Variants in TIAM1 observed in about 807,000 individuals in gnomAD.
TIAM1 encodes TIAM Rac1 associated GEF 1, also known as rho guanine nucleotide exchange factor TIAM1.
In TIAM1, 65 loss-of-function variants were observed where a neutral mutation model predicts 163.5. The observed-to-expected ratio is 0.40, with a 90% CI of 0.33 to 0.49. TIAM1 has a LOEUF of 0.49. Among genes scored for constraint, TIAM1 ranks in the 20% least tolerant of loss-of-function variants. TIAM1 has a pLI of 0.77. For missense variants in TIAM1, 1,789 were observed against 2,044.7 expected (o/e 0.87, Z 2.41); for synonymous variants, 833 against 810.1 (o/e 1.03, Z -0.48).
intron 1 of TIAM1, among the ~76,000 whole-genome samples, chr21:31,341,231 G>A (rs1167277805): frequency 1.3e-5 from 2 of 152,190 alleles, no homozygotes; most frequent in Non-Finnish European, 2.9e-5. Flanking sequence ...TGAATTCACA[G>A]TGCAATTTCA....
rs548525642 is a variant in TIAM1, at chr21:31,180,856, C to T, written c.2887+1565G>A. 9.2e-5 allele frequency among the ~76,000 whole-genome samples: 14 copies of T among 152,328 alleles called. No individual in the cohort carries two copies. In the South Asian group the frequency reaches 2.9e-3, roughly 32 times the overall value. ...TGGGGACCACAATAACATAATGAGT[C>T]AAGGAAGTCAACTGTAACTGAGAGC... On this transcript the variant is annotated intron_variant, in intron 15 of 27. Coordinates refer to ENST00000541036, the MANE Select transcript of TIAM1 (RefSeq NM_001353694.2).
chr21:31,425,532 C>G (rs935214841), intron 2 of TIAM1, among the ~76,000 whole-genome samples: 1 of 151,206 alleles, frequency 6.6e-6, no homozygotes, highest in African/African-American at 2.4e-5. Context: ...TTTAGTTGGT[C>G]TGCAATTACG....
intron 1 of TIAM1, among the ~76,000 whole-genome samples, chr21:31,491,485 G>A (rs532883167): frequency 6.6e-6 from 1 of 152,304 alleles, no homozygotes; most frequent in Admixed American, 6.5e-5. Context: ...AGAGAAGAAC[G>A]GAGAGGACAG....
chr21:31,542,261 T>C (rs777556815), intron 1 of TIAM1, among the ~76,000 whole-genome samples: 1 of 151,568 alleles, frequency 6.6e-6, no homozygotes, highest in Non-Finnish European at 1.5e-5. Flanking sequence ...CCGTCTCTAC[T>C]AAAAATAAAA....
intron 13 of TIAM1, among the ~76,000 whole-genome samples, chr21:31,190,331 GAGTCT>G (rs1206158021): frequency 2.0e-5 from 3 of 152,038 alleles, no homozygotes; most frequent in Non-Finnish European, 4.4e-5. Context: ...AGGATGGCTT[GAGTCT>G]AGGAGGTTGA....
At chr21:31,478,138 G>C (rs2045994562) in intron 1 of TIAM1, among the ~76,000 whole-genome samples, 1 of 152,220 alleles carries the variant, frequency 6.6e-6, no homozygotes, top group African/African-American at 2.4e-5. Flanking sequence ...GGTGTGAACA[G>C]CTATGCAATT....
At chr21:31,404,716 C>T (rs2077219516) in intron 2 of TIAM1, among the ~76,000 whole-genome samples, 1 of 152,064 alleles carries the variant, frequency 6.6e-6, no homozygotes, top group African/African-American at 2.4e-5. Flanking sequence ...TTTCAATTTC[C>T]TGGTTTTGAT....
At position 31,130,325 on chromosome 21, in the gene TIAM1, A is replaced by G. The variant is rs1461152647; in HGVS notation, c.3943-10T>C. The G allele has an allele frequency of 1.9e-6, 3 of 1,605,542 alleles. No homozygotes were observed. The highest frequency in any genetic ancestry group is 4.5e-5 in the East Asian group (2 of 44,854). ...GCCTGTGAGATCCTACCTGCAGAGG[A>G]GAAGGAACCAGCTGCATAAGAAGAA... On this transcript the variant is annotated splice_polypyrimidine_tract_variant and intron_variant, in intron 24 of 27. Transcript: ENST00000541036.
rs2076654041 is a variant in TIAM1, at chr21:31,374,631, TG to T, written c.-368-35210del. On this transcript the variant is annotated intron_variant, in intron 2 of 28. Coordinates refer to the TIAM1 transcript ENST00000286827. Reference sequence around the variant, plus strand: ...CCCTGGGACAAGCTGACACTTGCTCTGGGTTCCCACCCATCACGCTGCTCCT... The same window carrying T: ...CCCTGGGACAAGCTGACACTTGCTCTGGTTCCCACCCATCACGCTGCTCCT... Among the ~76,000 whole-genome samples, 4 of 152,312 alleles carry T rather than the reference TG, an allele frequency of 2.6e-5. No individual in the cohort carries two copies. The South Asian group carries it at 8.3e-4, about 32-fold the overall frequency.
chr21:31,428,780 G>A (rs1270389824), intron 2 of TIAM1, among the ~76,000 whole-genome samples: 1 of 150,924 alleles, frequency 6.6e-6, no homozygotes, highest in Non-Finnish European at 1.5e-5. Context: ...CTACTGGGGA[G>A]GCTGAGGTGG....
At chr21:31,386,470 C>G (rs574845430) in intron 2 of TIAM1, among the ~76,000 whole-genome samples, 3 of 152,154 alleles carry the variant, frequency 2.0e-5, no homozygotes, top group Non-Finnish European at 2.9e-5. Context: ...AATGCAACCA[C>G]GTGCAAAGGT....
chr21:31,244,836 A>G (rs2071409340), intron 6 of TIAM1, among the ~76,000 whole-genome samples: 1 of 152,246 alleles, frequency 6.6e-6, no homozygotes, highest in Non-Finnish European at 1.5e-5. Flanking sequence ...AATGGAATCA[A>G]TAAAGAAAGC....
chr21:31,506,888 G>C (rs2047046740), intron 1 of TIAM1, among the ~76,000 whole-genome samples: 1 of 152,170 alleles, frequency 6.6e-6, no homozygotes, highest in East Asian at 1.9e-4. Flanking sequence ...CTATACTCCA[G>C]CCTGGGCGAC....
At chr21:31,518,445 G>A (rs112722618) in intron 1 of TIAM1, among the ~76,000 whole-genome samples, 9,356 of 152,032 alleles carry the variant, frequency 0.062, 752 homozygotes, top group African/African-American at 0.18. Context: ...GCGCCACCAC[G>A]CCCAGCTAAC....
intron 16 of TIAM1, among the ~76,000 whole-genome samples, chr21:31,159,568 C>A (rs538483956): frequency 6.6e-6 from 1 of 152,162 alleles, no homozygotes. Flanking sequence ...GGGGACAATG[C>A]GCTCCATAAT....
At chr21:31,199,951 T>G (rs1172489595) in intron 12 of TIAM1, among the ~76,000 whole-genome samples, 1 of 150,334 alleles carries the variant, frequency 6.7e-6, no homozygotes, top group Non-Finnish European at 1.5e-5. Flanking sequence ...TAAAATAAAA[T>G]AGCAACAAGA....
chr21:31,211,057 G>C (rs2086865711), intron 10 of TIAM1, among the ~76,000 whole-genome samples: 1 of 151,626 alleles, frequency 6.6e-6, no homozygotes, highest in African/African-American at 2.4e-5. Flanking sequence ...CCCGGCGCCA[G>C]AGACAATTCA....
At chr21:31,189,733 C>T (rs142720537) in intron 13 of TIAM1, among the ~76,000 whole-genome samples, 1 of 151,956 alleles carries the variant, frequency 6.6e-6, no homozygotes, top group Admixed American at 6.6e-5. Flanking sequence ...AACATGTGAG[C>T]GGCTTCCATT....
intron 1 of TIAM1, among the ~76,000 whole-genome samples, chr21:31,539,798 C>G (rs898311717): frequency 5.3e-5 from 8 of 152,110 alleles, no homozygotes; most frequent in Admixed American, 2.6e-4. Flanking sequence ...GTTGTGTGGC[C>G]TGTCACGGAT....
Sources: gnomAD v4.1 joint callset for allele counts (sites outside exome capture counted in the v4.1 genomes callset) on GRCh38, gnomAD v4.1.1 for gene constraint, MANE v1.5 for transcripts, NCBI Gene and HGNC (gene_info 2026-07-23, HGNC 2026-07-21) for gene names.